Variants in PPP6R2 observed in about 807,000 individuals in gnomAD.
The protein encoded by PPP6R2 is protein phosphatase 6 regulatory subunit 2.
In PPP6R2, 62 loss-of-function variants were observed where a neutral mutation model predicts 100.2. That is an observed-to-expected ratio of 0.62 (90% CI 0.50 to 0.76). The LOEUF (loss-of-function observed/expected upper bound fraction) is 0.76, where lower values mean the gene tolerates loss of function less well. Among genes scored for constraint, PPP6R2 ranks in the 30% least tolerant of loss-of-function variants. PPP6R2 has a pLI of 0.00. For synonymous variants in PPP6R2, 525 were observed against 514.7 expected (o/e 1.02, Z -0.27); for missense variants, 1,142 against 1,276.3 (o/e 0.89, Z 1.60).
chr22:50,353,865 T>G (rs1231475803), intron 1 of PPP6R2, among the ~76,000 whole-genome samples: 1 of 142,424 alleles, frequency 7.0e-6, no homozygotes, highest in African/African-American at 2.5e-5. Context: ...AAAAATATTT[T>G]TAAAAAATTT....
chr22:50,393,959 G>A lies in PPP6R2; in HGVS notation c.51G>A (p.Leu17=), dbSNP rs759906517. ...LNTTSHVDKL[L]DKEHVTLQEL... ...CCACGTCCCATGTTGACAAGCTGCT[G>A]GACAAGGAGCATGTGACGCTGCAGG... Residue 17 remains leucine, a synonymous_variant, in exon 3 of 24, where the codon CTG becomes CTA. Transcript: ENST00000612753. 5.0e-6 allele frequency: 8 copies of A among 1,614,094 alleles called. No individual in the cohort carries two copies. The African/African-American group carries it at 1.1e-4, about 22-fold the overall frequency.
chr22:50,339,437 G>GA (rs1273057689), upstream of PPP6R2, among the ~76,000 whole-genome samples: 13 of 104,570 alleles, frequency 1.2e-4, no homozygotes, highest in Admixed American at 3.0e-4. Flanking sequence ...GTGTGTTTAC[G>GA]GTGTGTGTTG....
chr22:50,340,846 CTT>C (rs2147836370), upstream of PPP6R2, among the ~76,000 whole-genome samples: 1 of 151,898 alleles, frequency 6.6e-6, no homozygotes, highest in East Asian at 1.9e-4. Context: ...ACAGCAGGGA[CTT>C]TGTCGTTCAG....
chr22:50,361,811 C>G (rs28427872), intron 1 of PPP6R2, among the ~76,000 whole-genome samples: 1 of 152,048 alleles, frequency 6.6e-6, no homozygotes, highest in African/African-American at 2.4e-5. Flanking sequence ...CGCGTAGGTG[C>G]GGACTAGGGC....
intron 6 of PPP6R2, among the ~76,000 whole-genome samples, chr22:50,416,691 G>A (rs1030400469): frequency 2.0e-5 from 3 of 151,880 alleles, no homozygotes; most frequent in Non-Finnish European, 4.4e-5. Flanking sequence ...GGACAGGCGC[G>A]GTGGCTCATG....
At chr22:50,396,263 A>G (rs896005300) in intron 3 of PPP6R2, among the ~76,000 whole-genome samples, 14 of 149,000 alleles carry the variant, frequency 9.4e-5, no homozygotes, top group African/African-American at 2.0e-4. Context: ...TTGGGAGGCC[A>G]AGGCGGGCAG....
chr22:50,438,068 G>A lies in PPP6R2; in HGVS notation c.1840-106G>A, dbSNP rs531022710. 46 of 1,516,626 alleles carry A rather than the reference G, an allele frequency of 3.0e-5. No homozygotes were observed. In the African/African-American group the frequency reaches 3.0e-4, roughly 10 times the overall value. The allele number at this position is 1,516,626 out of a possible 1,614,324, so 93.9% of individuals were successfully genotyped here. On this transcript the variant is annotated intron_variant, in intron 17 of 23. Coordinates refer to ENST00000612753, the MANE Select transcript of PPP6R2 (RefSeq NM_001242898.2). The stretch of plus-strand genomic sequence containing the variant: ...CCCTCCCCGTCCTCCCCTCCAGCCC[G>A]GGGCTCCCACATCCCGAACTAAGCC...
intron 1 of PPP6R2, among the ~76,000 whole-genome samples, chr22:50,355,753 C>T (rs2046394727): frequency 6.6e-6 from 1 of 150,832 alleles, no homozygotes; most frequent in African/African-American, 2.4e-5. Context: ...GATCTCCTTA[C>T]CTCATGATCC....
the PPP6R2 span, among the ~76,000 whole-genome samples, chr22:50,333,115 G>A: frequency 1.3e-5 from 2 of 151,922 alleles, no homozygotes; most frequent in South Asian, 2.1e-4. Flanking sequence ...CTCCAGCCTG[G>A]GTAACAGAGT....
At chr22:50,411,226 A>C (rs1049828908) in intron 4 of PPP6R2, among the ~76,000 whole-genome samples, 2 of 152,088 alleles carry the variant, frequency 1.3e-5, no homozygotes, top group Non-Finnish European at 2.9e-5. Flanking sequence ...GGCCGAGGTG[A>C]GTGGATCACT....
intron 1 of PPP6R2, 144 bp downstream of exon 1, chr22:50,343,694 G>T (rs1431374970): frequency 1.6e-5 from 1 of 63,214 alleles, no homozygotes; most frequent in African/African-American, 6.8e-5. Context: ...CCCCCCAGTC[G>T]GTGCCCCCGG....
intron 10 of PPP6R2, among the ~76,000 whole-genome samples, chr22:50,428,878 G>A (rs1042828797): frequency 9.2e-5 from 14 of 152,166 alleles, no homozygotes; most frequent in African/African-American, 2.9e-4. Context: ...TGGTGAGAGT[G>A]GGCATCCTTG....
upstream of PPP6R2, among the ~76,000 whole-genome samples, chr22:50,342,141 T>C (rs1281572691): frequency 2.0e-5 from 3 of 152,094 alleles, no homozygotes; most frequent in Non-Finnish European, 4.4e-5. Flanking sequence ...CAGTCCCCAT[T>C]CCGTAGCTCA....
chr22:50,432,778 A>G (rs570938318), intron 12 of PPP6R2, among the ~76,000 whole-genome samples: 1 of 152,258 alleles, frequency 6.6e-6, no homozygotes, highest in South Asian at 2.1e-4. Flanking sequence ...AGCCATCCCC[A>G]CCCGTTTGCT....
chr22:50,382,961 C>T (rs2053450567), intron 2 of PPP6R2, among the ~76,000 whole-genome samples: 1 of 151,902 alleles, frequency 6.6e-6, no homozygotes, highest in Non-Finnish European at 1.5e-5. Flanking sequence ...CCTCAGTCTC[C>T]CGAGTAGCTG....
At chr22:50,346,923 C>T (rs1200599817) in intron 1 of PPP6R2, among the ~76,000 whole-genome samples, 1 of 151,704 alleles carries the variant, frequency 6.6e-6, no homozygotes, top group Non-Finnish European at 1.5e-5. Context: ...CATAATCCCT[C>T]CCCTGCCAGT....
At chr22:50,335,038 T>TGGGGG in the PPP6R2 span, among the ~76,000 whole-genome samples, 1 of 152,050 alleles carries the variant, frequency 6.6e-6, no homozygotes, top group Admixed American at 6.6e-5. Flanking sequence ...GGAGAATTGC[T>TGGGGG]ATCTTAACAA....
chr22:50,426,052 A>C (rs1371748074), intron 10 of PPP6R2, among the ~76,000 whole-genome samples: 1 of 152,154 alleles, frequency 6.6e-6, no homozygotes, highest in African/African-American at 2.4e-5. Flanking sequence ...TCCTGGGCTC[A>C]AGTGATCCTC....
intron 1 of PPP6R2, among the ~76,000 whole-genome samples, chr22:50,355,129 C>T (rs1167214949): frequency 6.6e-6 from 1 of 152,058 alleles, no homozygotes; most frequent in Non-Finnish European, 1.5e-5. Context: ...AGGCGTGAGC[C>T]ACTTTGCCTG....
Sources: allele counts gnomAD v4.1 joint callset (sites outside exome capture counted in the v4.1 genomes callset), GRCh38; gene constraint gnomAD v4.1.1; transcripts MANE v1.5; gene names NCBI Gene and HGNC (gene_info 2026-07-23, HGNC 2026-07-21).